Variants in ARMH4 observed in about 807,000 individuals in gnomAD.
ARMH4 encodes armadillo-like helical domain-containing protein 4.
In ARMH4, 49 loss-of-function variants were observed where a neutral mutation model predicts 61.9. The ratio of observed to expected loss-of-function variants is 0.79; its 90% CI spans 0.63 to 1.00. The LOEUF (loss-of-function observed/expected upper bound fraction) is 1.00. Among genes scored for constraint, ARMH4 ranks in the 50% least tolerant of loss-of-function variants. The pLI, the probability that ARMH4 is intolerant of heterozygous loss-of-function variation, is 0.00. For missense variants in ARMH4, 934 were observed against 930.0 expected, an observed-to-expected ratio of 1.00 and a Z score of -0.06; for synonymous variants, 368 against 341.5, an observed-to-expected ratio of 1.08 and a Z score of -0.85.
intron 5 of ARMH4, among the ~76,000 whole-genome samples, chr14:58,078,845 G>A (rs946382930): frequency 3.3e-5 from 5 of 152,220 alleles, no homozygotes; most frequent in Admixed American, 3.3e-4. Flanking sequence ...AAGCCAATGG[G>A]ACCAATGTAG....
chr14:58,134,864 G>A (rs1182437306), intron 2 of ARMH4, among the ~76,000 whole-genome samples: 1 of 151,002 alleles, frequency 6.6e-6, no homozygotes, highest in Non-Finnish European at 1.5e-5. Context: ...GGATGAGGCA[G>A]GACAATTGCC....
At chr14:58,124,452 CAGTTA>C (rs1362461486) in intron 4 of ARMH4, among the ~76,000 whole-genome samples, 1 of 152,122 alleles carries the variant, frequency 6.6e-6, no homozygotes, top group Admixed American at 6.5e-5. Flanking sequence ...GTATCTGAAG[CAGTTA>C]AAATAATACA....
chr14:58,125,145 T>C (rs1488691348), intron 4 of ARMH4, among the ~76,000 whole-genome samples: 2 of 151,778 alleles, frequency 1.3e-5, no homozygotes, highest in East Asian at 1.9e-4. Flanking sequence ...CAAGTGGACA[T>C]TGAAGCCAAA....
chr14:58,127,284 T>C (rs1886926047), intron 4 of ARMH4, among the ~76,000 whole-genome samples: 1 of 152,106 alleles, frequency 6.6e-6, no homozygotes, highest in African/African-American at 2.4e-5. Flanking sequence ...AGGGACCCAG[T>C]GGGAGGTAAC....
chr14:58,103,517 G>GC (rs146294045), intron 4 of ARMH4, among the ~76,000 whole-genome samples: 9,502 of 149,836 alleles, frequency 0.063, 362 homozygotes, highest in African/African-American at 0.1. Flanking sequence ...ACCAACTCCC[G>GC]CCCCCCCCAA....
At chr14:58,093,125 G>C (rs1885629315) in intron 5 of ARMH4, among the ~76,000 whole-genome samples, 1 of 152,114 alleles carries the variant, frequency 6.6e-6, no homozygotes. Context: ...CTACCACCAG[G>C]TGAGGAAAGA....
At chr14:58,007,829 A>C (rs1882236170) in intron 6 of ARMH4, among the ~76,000 whole-genome samples, 1 of 152,252 alleles carries the variant, frequency 6.6e-6, no homozygotes, top group Non-Finnish European at 1.5e-5. Context: ...TATTCCAACC[A>C]GGAATGCATA....
At chr14:58,086,745 T>G (rs1376794486) in intron 5 of ARMH4, among the ~76,000 whole-genome samples, 1 of 151,808 alleles carries the variant, frequency 6.6e-6, no homozygotes. Flanking sequence ...ATAAGCAAAA[T>G]GAGATAGTGC....
In ARMH4 at chr14:58,035,006, G is replaced by C. The variant is rs1367211076; in HGVS notation, c.2090-22856C>G. ...ATTAGACAGATCCATGAGACAGAAA[G>C]TCAACAAGGATACCCAGGAATTTAA... On this transcript the variant is annotated intron_variant, in intron 5 of 7. Transcript: ENST00000267485. Among the ~76,000 whole-genome samples the C allele has an allele frequency of 6.3e-5, 7 of 111,206 alleles. 1 individual carries two copies. The highest frequency in any genetic ancestry group is 1.9e-4 in the African/African-American group (6 of 31,150). 73.0% of individuals were successfully genotyped at this position (111,206 alleles called of 152,430 possible).
At chr14:58,012,208 CA>C in intron 5 of ARMH4, 58 bp from the exon 6 acceptor site, 3 of 1,028,902 alleles carry the variant, frequency 2.9e-6, no homozygotes, top group Non-Finnish European at 4.3e-6. Context: ...TAATTCATGG[CA>C]TTAAGTTAAT....
At chr14:58,051,272 C>T (rs1884133111) in intron 5 of ARMH4, among the ~76,000 whole-genome samples, 1 of 152,120 alleles carries the variant, frequency 6.6e-6, no homozygotes, top group Non-Finnish European at 1.5e-5. Context: ...CAGCTGATGA[C>T]TTCAGAAAAT....
Position 58,131,565 on chromosome 14 carries a change from A to G in ARMH4, c.1778T>C (p.Ile593Thr). Residue 593 changes from isoleucine to threonine, a missense_variant, in exon 4 of 8, where the codon ATT becomes ACT. Transcript: ENST00000267485. ...SSERRTVVPS[I>T]TRVNTAASYG... ...TGAGGCAGCTGTATTAACACGAGTA[A>G]TAGATGGAACAACAGTTCTTCTCTC... 1 of 1,614,236 alleles carries G rather than the reference A, an allele frequency of 6.2e-7. No individual in the cohort carries two copies. Among genetic ancestry groups the G allele is most frequent in the Non-Finnish European group, 8.5e-7 (1 of 1,180,042 alleles).
At chr14:58,032,833 G>C (rs1286733047) in intron 5 of ARMH4, among the ~76,000 whole-genome samples, 1 of 152,166 alleles carries the variant, frequency 6.6e-6, no homozygotes, top group Non-Finnish European at 1.5e-5. Context: ...TGAATATTGC[G>C]CTTTTCAGAC....
At chr14:58,018,391 A>G (rs970214890) in intron 5 of ARMH4, among the ~76,000 whole-genome samples, 1 of 152,134 alleles carries the variant, frequency 6.6e-6, no homozygotes, top group African/African-American at 2.4e-5. Flanking sequence ...AGGGGTTAAT[A>G]TCCAAAATAT....
intron 4 of ARMH4, among the ~76,000 whole-genome samples, chr14:58,120,129 G>C (rs761119049): frequency 6.6e-5 from 10 of 151,984 alleles, no homozygotes; most frequent in Non-Finnish European, 1.5e-4. Flanking sequence ...TTGCTCCTAG[G>C]CTCCAAACAT....
intron 5 of ARMH4, among the ~76,000 whole-genome samples, chr14:58,057,982 C>T (rs1884404842): frequency 6.6e-6 from 1 of 152,286 alleles, no homozygotes; most frequent in South Asian, 2.1e-4. Flanking sequence ...ACAGTACACA[C>T]AGAAACTCAA....
intron 4 of ARMH4, among the ~76,000 whole-genome samples, chr14:58,114,623 A>G (rs1886460774): frequency 6.6e-6 from 1 of 152,194 alleles, no homozygotes. Flanking sequence ...AGGTCCAACG[A>G]GCTGAGTGAG....
At chr14:58,008,747 A>C (rs978278590) in intron 6 of ARMH4, among the ~76,000 whole-genome samples, 11 of 152,170 alleles carry the variant, frequency 7.2e-5, no homozygotes, top group African/African-American at 2.7e-4. Context: ...GAGTCTGAGA[A>C]TTTGCATATC....
At chr14:58,131,762 CATT>C (rs1295386966) in intron 3 of ARMH4, 41 bp from the exon 4 acceptor site, 2 of 1,564,716 alleles carry the variant, frequency 1.3e-6, no homozygotes, top group Admixed American at 3.3e-5. Flanking sequence ...ACAAGATAAT[CATT>C]ATGGCAAATG....
Sources: allele counts gnomAD v4.1 joint callset (sites outside exome capture counted in the v4.1 genomes callset), GRCh38; gene constraint gnomAD v4.1.1; transcripts MANE v1.5; gene names NCBI Gene and HGNC (gene_info 2026-07-23, HGNC 2026-07-21).